The following CDX1 variants were observed in gnomAD, a reference collection of about 807,000 sequenced individuals.
CDX1 encodes caudal type homeobox 1.
CDX1 carries 9 observed loss-of-function variants against 16.9 expected under a neutral mutation model. The observed-to-expected ratio is 0.53, with a 90% CI of 0.32 to 0.93. The LOEUF (loss-of-function observed/expected upper bound fraction) is 0.93, where lower values mean the gene tolerates loss of function less well. Ranked by LOEUF, CDX1 falls within the 40% of genes least tolerant of loss-of-function variation. The pLI, the probability that CDX1 is intolerant of heterozygous loss-of-function variation, is 0.04. For synonymous variants in CDX1, 179 were observed against 179.0 expected, an observed-to-expected ratio of 1.00 and a Z score of 0.00; for missense variants, 393 against 386.1, an observed-to-expected ratio of 1.02 and a Z score of -0.15.
chr5:150,183,624 A>G lies in CDX1; in HGVS notation c.742A>G (p.Thr248Ala), dbSNP rs1284624666. The change falls in exon 3 of 3, where the codon ACC becomes GCC. Residue 248 changes from threonine to alanine, a missense_variant. Thr to Ala is a moderately conservative substitution (Grantham distance 58). Coordinates refer to ENST00000231656, the MANE Select transcript of CDX1 (RefSeq NM_001804.3). The part of the protein sequence containing the change: ...PSLGGLCPSN[T>A]SLLATSSPMP... ...CCTGGGGGGCCTGTGTCCCAGCAAC[A>G]CCAGCCTCCTGGCCACCTCCTCTCC... The G allele has an allele frequency of 6.2e-7, 1 of 1,607,382 alleles. No individual in the cohort carries two copies. The highest frequency in any genetic ancestry group is 1.7e-5 in the Admixed American group (1 of 59,602).
rs1752506527 is a variant in CDX1, at chr5:150,183,810, C to T, written c.*130C>T. On this transcript the variant is annotated 3_prime_UTR_variant, in exon 3 of 3. Coordinates refer to ENST00000231656, the MANE Select transcript of CDX1 (RefSeq NM_001804.3). Reference sequence around the variant, plus strand: ...GGGACATGGTGGACAGTCACCTATCCACCCTCTGCATCCCCTTGGCCCATC... The same window carrying T: ...GGGACATGGTGGACAGTCACCTATCTACCCTCTGCATCCCCTTGGCCCATC... 2 of 671,998 alleles carry T rather than the reference C, an allele frequency of 3.0e-6. No homozygotes were observed. Among genetic ancestry groups the T allele is most frequent in the Non-Finnish European group, 2.4e-6 (1 of 411,058 alleles). The allele number at this position is 671,998 out of a possible 1,614,324, so 41.6% of individuals were successfully genotyped here. A position where few individuals can be genotyped will look rare whatever the true frequency, so the allele number is the denominator to read the frequency against.
intron 1 of CDX1, among the ~76,000 whole-genome samples, chr5:150,170,976 T>C (rs1032321324): frequency 6.6e-6 from 1 of 152,208 alleles, no homozygotes; most frequent in Non-Finnish European, 1.5e-5. Context: ...TTCCTTTGAA[T>C]AAAGCTGCTC....
rs749716046 is a variant in CDX1, at chr5:150,183,719, C to T, written c.*39C>T. 14 of 1,459,608 alleles carry T rather than the reference C, an allele frequency of 9.6e-6. No homozygotes were observed. In the Middle Eastern group the frequency reaches 1.7e-3, roughly 176 times the overall value. 90.4% of individuals were successfully genotyped at this position (1,459,608 alleles called of 1,614,324 possible). ...CTGTGCGCCGGGGGACCTGGGGACTCGGGTGCTGGGAGTGTGGCTCCTGTG... is the reference window on the plus strand; with the variant it reads ...CTGTGCGCCGGGGGACCTGGGGACTTGGGTGCTGGGAGTGTGGCTCCTGTG... On this transcript the variant is annotated 3_prime_UTR_variant, in exon 3 of 3. Transcript: ENST00000231656.
At chr5:150,168,396 C>A (rs113455774) in intron 1 of CDX1, among the ~76,000 whole-genome samples, 2,682 of 152,368 alleles carry the variant, frequency 0.018, 77 homozygotes, top group African/African-American at 0.06. Flanking sequence ...TGGCCATAAT[C>A]ATATCCCCTT....
rs1237985006 is a variant in CDX1 at position 150,173,682 on chromosome 5, T to C, written c.445+6361T>C. ...TAAGCAGTTATTATGGTAATCATAATGCGAACCAGCATCTATTGGGTGCTC... is the reference window on the plus strand; with the variant it reads ...TAAGCAGTTATTATGGTAATCATAACGCGAACCAGCATCTATTGGGTGCTC... On this transcript the variant is annotated intron_variant, in intron 1 of 2. Coordinates refer to ENST00000231656, the MANE Select transcript of CDX1 (RefSeq NM_001804.3). 5.3e-5 allele frequency among the ~76,000 whole-genome samples: 8 copies of C among 152,264 alleles called. No homozygotes were observed. The East Asian group carries it at 1.5e-3, about 29-fold the overall frequency.
chr5:150,169,523 TCTGA>T (rs779183144), intron 1 of CDX1, among the ~76,000 whole-genome samples: 1 of 152,132 alleles, frequency 6.6e-6, no homozygotes, highest in Non-Finnish European at 1.5e-5. Flanking sequence ...TCCCAGGGCA[TCTGA>T]CTGTCTATTC....
chr5:150,176,659 T>G (rs1475813786), intron 1 of CDX1, among the ~76,000 whole-genome samples: 4 of 152,082 alleles, frequency 2.6e-5, no homozygotes, highest in Non-Finnish European at 5.9e-5. Flanking sequence ...CGAGGGCACT[T>G]GGACTGGTGC....
At position 150,166,921 on chromosome 5, in the gene CDX1, C is replaced by T; in HGVS notation, c.45C>T (p.Pro15=). ...YVLDKDSPVY[P]GPARPASLGL... Reference sequence around the variant, plus strand: ...TGGACAAGGATTCGCCCGTGTACCCCGGCCCAGCCAGGCCAGCCAGCCTCG... The same window carrying T: ...TGGACAAGGATTCGCCCGTGTACCCTGGCCCAGCCAGGCCAGCCAGCCTCG... Residue 15 remains proline, a synonymous_variant, in exon 1 of 3, where the codon CCC becomes CCT. Transcript: ENST00000231656. The T allele has an allele frequency of 6.6e-7, 1 of 1,512,858 alleles. No homozygotes were observed. The highest frequency in any genetic ancestry group is 8.8e-7 in the Non-Finnish European group (1 of 1,137,364). 93.7% of individuals were successfully genotyped at this position (1,512,858 alleles called of 1,614,324 possible).
At chr5:150,182,596 C>T (rs1412080297) in intron 1 of CDX1, among the ~76,000 whole-genome samples, 172 bp from the exon 2 acceptor site, 1 of 152,204 alleles carries the variant, frequency 6.6e-6, no homozygotes, top group African/African-American at 2.4e-5. Flanking sequence ...GTCTGTGGGT[C>T]TGAGTCTGGG....
chr5:150,174,997 G>A (rs557876096), intron 1 of CDX1, among the ~76,000 whole-genome samples: 2 of 151,886 alleles, frequency 1.3e-5, no homozygotes, highest in Non-Finnish European at 2.9e-5. Flanking sequence ...GGCTGGTCTC[G>A]AACTCCTGAC....
intron 2 of CDX1, 89 bp downstream of exon 2, chr5:150,183,002 GA>G: frequency 7.0e-7 from 1 of 1,426,218 alleles, no homozygotes; most frequent in Non-Finnish European, 9.4e-7. Flanking sequence ...TCAGTAGAAG[GA>G]AAACAGAGAG....
At chr5:150,180,642 G>A (rs966260466) in intron 1 of CDX1, among the ~76,000 whole-genome samples, 2 of 152,008 alleles carry the variant, frequency 1.3e-5, no homozygotes, top group African/African-American at 2.4e-5. Context: ...AGGCGGGAGG[G>A]GTTGATGGTC....
chr5:150,175,799 C>T (rs1761562290), intron 1 of CDX1, among the ~76,000 whole-genome samples: 1 of 152,204 alleles, frequency 6.6e-6, no homozygotes. Context: ...GGCCAGATCT[C>T]CCCACTCCCA....
intron 1 of CDX1, among the ~76,000 whole-genome samples, chr5:150,181,755 A>G (rs1387484481): frequency 6.6e-6 from 1 of 151,804 alleles, no homozygotes; most frequent in Non-Finnish European, 1.5e-5. Context: ...CAAATATTTT[A>G]TGTTTATTTT....
chr5:150,168,058 G>A (rs1032195278), intron 1 of CDX1, among the ~76,000 whole-genome samples: 1 of 152,150 alleles, frequency 6.6e-6, no homozygotes, highest in Admixed American at 6.5e-5. Flanking sequence ...TTTAATGAGG[G>A]GCGGCTTGAC....
chr5:150,177,699 A>G (rs549577114), intron 1 of CDX1, among the ~76,000 whole-genome samples: 1 of 152,286 alleles, frequency 6.6e-6, no homozygotes, highest in African/African-American at 2.4e-5. Flanking sequence ...GTTGGCTATT[A>G]TTAGAATATT....
chr5:150,183,314 G>A (rs1752493441), intron 2 of CDX1, among the ~76,000 whole-genome samples, 160 bp from the exon 3 acceptor site: 1 of 152,134 alleles, frequency 6.6e-6, no homozygotes, highest in Non-Finnish European at 1.5e-5. Flanking sequence ...TAGAGGGGGA[G>A]AATGAATTCA....
At chr5:150,178,131 G>A (rs1761591833) in intron 1 of CDX1, among the ~76,000 whole-genome samples, 1 of 152,196 alleles carries the variant, frequency 6.6e-6, no homozygotes, top group African/African-American at 2.4e-5. Context: ...AGCTTCCCAG[G>A]CAGTTCCAAG....
At chr5:150,171,589 G>A (rs1396129020) in intron 1 of CDX1, among the ~76,000 whole-genome samples, 2 of 152,222 alleles carry the variant, frequency 1.3e-5, no homozygotes, top group African/African-American at 4.8e-5. Flanking sequence ...GCCCGCCTCG[G>A]CCTCCCCAAG....
Sources: allele counts gnomAD v4.1 joint callset (sites outside exome capture counted in the v4.1 genomes callset), GRCh38; gene constraint gnomAD v4.1.1; transcripts MANE v1.5; gene names NCBI Gene and HGNC (gene_info 2026-07-23, HGNC 2026-07-21).